The following CSMD1 variants were observed in gnomAD, a reference collection of about 807,000 sequenced individuals.
CSMD1 encodes CUB and Sushi multiple domains 1.
In CSMD1, 213 loss-of-function variants were observed where a neutral mutation model predicts 417.5. The ratio of observed to expected loss-of-function variants is 0.51; its 90% confidence interval spans 0.46 to 0.57. The LOEUF is 0.57. Among genes scored for constraint, CSMD1 ranks in the 20% least tolerant of loss-of-function variants. CSMD1 has a pLI of 0.00. For synonymous variants in CSMD1, 2,862 were observed against 1,736.8 expected (o/e 1.65, Z -16.11); for missense variants, 6,923 against 4,529.7 (o/e 1.53, Z -15.17).
chr8:4,566,810 C>A (rs1298818608), intron 2 of CSMD1, among the ~76,000 whole-genome samples: 1 of 151,960 alleles, frequency 6.6e-6, no homozygotes, highest in Non-Finnish European at 1.5e-5. Flanking sequence ...CAAATTGTTT[C>A]AGCAAAGTTA....
At chr8:4,107,556 G>C (rs1243244190) in intron 3 of CSMD1, among the ~76,000 whole-genome samples, 1 of 152,224 alleles carries the variant, frequency 6.6e-6, no homozygotes, top group African/African-American at 2.4e-5. Flanking sequence ...CTACAAAGTA[G>C]CACCTGCTGG....
At chr8:4,306,025 G>T (rs1798222961) in intron 3 of CSMD1, among the ~76,000 whole-genome samples, 1 of 152,150 alleles carries the variant, frequency 6.6e-6, no homozygotes, top group Admixed American at 6.6e-5. Flanking sequence ...CGGTGCATTT[G>T]CTGTAATTAT....
At chr8:3,844,771 G>A (rs747894385) in intron 5 of CSMD1, among the ~76,000 whole-genome samples, 1 of 152,136 alleles carries the variant, frequency 6.6e-6, no homozygotes, top group Non-Finnish European at 1.5e-5. Flanking sequence ...GAACTTATGA[G>A]CGAAACATAC....
intron 1 of CSMD1, among the ~76,000 whole-genome samples, chr8:4,730,609 C>T (rs974367320): frequency 1.2e-4 from 18 of 151,848 alleles, no homozygotes; most frequent in Non-Finnish European, 2.1e-4. Flanking sequence ...GGCGTGGTGG[C>T]GGGCGCCTGT....
chr8:3,850,976 T>C (rs910590052), intron 5 of CSMD1, among the ~76,000 whole-genome samples: 2 of 152,174 alleles, frequency 1.3e-5, no homozygotes, highest in African/African-American at 2.4e-5. Context: ...AACAGATGAG[T>C]ATAATAAGTG....
intron 50 of CSMD1, 59 bp from the exon 51 acceptor site, chr8:3,029,572 G>T (rs995591502): frequency 2.1e-6 from 3 of 1,450,026 alleles, no homozygotes; most frequent in Non-Finnish European, 2.8e-6. Context: ...ATCAGACCGT[G>T]CTTGCTTTGG....
chr8:3,568,197 A>G (rs2116904497), intron 10 of CSMD1, among the ~76,000 whole-genome samples: 1 of 152,342 alleles, frequency 6.6e-6, no homozygotes, highest in Non-Finnish European at 1.5e-5. Flanking sequence ...TTCACTTGCC[A>G]AACAAAACAA....
intron 3 of CSMD1, among the ~76,000 whole-genome samples, chr8:4,317,383 A>AC (rs1798995975): frequency 6.6e-6 from 1 of 152,068 alleles, no homozygotes; most frequent in Non-Finnish European, 1.5e-5. Flanking sequence ...CTTTCATTCT[A>AC]CCCTGCTGTA....
chr8:4,432,280 G>C (rs971187197), intron 2 of CSMD1, among the ~76,000 whole-genome samples: 2 of 152,120 alleles, frequency 1.3e-5, no homozygotes, highest in African/African-American at 2.4e-5. Context: ...TCCAGGTGTA[G>C]GTTTTTATGA....
intron 3 of CSMD1, among the ~76,000 whole-genome samples, chr8:4,204,037 G>A (rs932151830): frequency 8.5e-5 from 13 of 152,284 alleles, no homozygotes; most frequent in Non-Finnish European, 1.2e-4. Context: ...GTGGGCAGAA[G>A]TTGCGGTGAG....
intron 5 of CSMD1, among the ~76,000 whole-genome samples, chr8:3,913,030 G>C (rs1323187605): frequency 6.6e-6 from 1 of 152,150 alleles, no homozygotes; most frequent in African/African-American, 2.4e-5. Flanking sequence ...AAGGCGTGGA[G>C]AGAATCGTGA....
intron 21 of CSMD1, among the ~76,000 whole-genome samples, chr8:3,349,856 TAATTA>T (rs1384798374): frequency 1.5e-5 from 2 of 130,694 alleles, no homozygotes; most frequent in East Asian, 4.5e-4. Flanking sequence ...TAAATATATA[TAATTA>T]TATAAATATA....
chr8:3,778,349 C>G (rs984129562), intron 5 of CSMD1, among the ~76,000 whole-genome samples: 5 of 152,196 alleles, frequency 3.3e-5, no homozygotes, highest in African/African-American at 9.6e-5. Flanking sequence ...TGTGTAATCA[C>G]CAGCTGTCTG....
At chr8:3,423,539 A>C (rs935705754) in intron 12 of CSMD1, among the ~76,000 whole-genome samples, 1 of 152,132 alleles carries the variant, frequency 6.6e-6, no homozygotes, top group Non-Finnish European at 1.5e-5. Context: ...ATGGTCCTCC[A>C]CTGTGTGGCT....
intron 3 of CSMD1, among the ~76,000 whole-genome samples, chr8:4,366,409 T>A (rs967441648): frequency 6.6e-6 from 1 of 152,150 alleles, no homozygotes; most frequent in Non-Finnish European, 1.5e-5. Context: ...ACGTGTCTTT[T>A]TGACAGAATG....
chr8:2,957,652 A>G (rs375439339), intron 63 of CSMD1, 44 bp downstream of exon 63: 18 of 1,235,206 alleles, frequency 1.5e-5, no homozygotes, highest in Non-Finnish European at 2.1e-5. Flanking sequence ...GACATTCACA[A>G]TAAATAGGTG....
chr8:3,681,723 G>A (rs34528563), intron 7 of CSMD1, among the ~76,000 whole-genome samples: 138 of 152,076 alleles, frequency 9.1e-4, no homozygotes, highest in Middle Eastern at 3.4e-3. Context: ...AAAAGAGCCC[G>A]CATTGCCAAG....
At chr8:4,245,196 C>A (rs1391852755) in intron 3 of CSMD1, among the ~76,000 whole-genome samples, 1 of 152,172 alleles carries the variant, frequency 6.6e-6, no homozygotes, top group Non-Finnish European at 1.5e-5. Flanking sequence ...TGCTGTCAAA[C>A]AAGTAACTTA....
At chr8:4,402,070 G>A (rs1804682197) in intron 3 of CSMD1, among the ~76,000 whole-genome samples, 1 of 151,952 alleles carries the variant, frequency 6.6e-6, no homozygotes, top group Non-Finnish European at 1.5e-5. Flanking sequence ...CTAACCCCAT[G>A]GCTTCCTTTG....
Sources: allele counts gnomAD v4.1 joint callset (sites outside exome capture counted in the v4.1 genomes callset), GRCh38; gene constraint gnomAD v4.1.1; transcripts MANE v1.5; gene names NCBI Gene and HGNC (gene_info 2026-07-23, HGNC 2026-07-21).